The following ROCK2 variants were observed in gnomAD, a reference collection of about 807,000 sequenced individuals.
ROCK2 encodes rho-associated protein kinase 2.
ROCK2 carries 61 observed loss-of-function variants against 195.1 expected under a neutral mutation model. The observed-to-expected ratio is 0.31, with a 90% CI of 0.25 to 0.39. The LOEUF (loss-of-function observed/expected upper bound fraction) is 0.39, where lower values mean the gene tolerates loss of function less well. Ranked by LOEUF, ROCK2 falls within the 10% of genes least tolerant of loss-of-function variation. The probability of loss-of-function intolerance (pLI) is 1.00; values close to 1 mark genes in which losing one functional copy is unlikely to be tolerated. For missense variants in ROCK2, 1,109 were observed against 1,637.4 expected, an observed-to-expected ratio of 0.68 and a Z score of 5.57; for synonymous variants, 504 against 545.5, an observed-to-expected ratio of 0.92 and a Z score of 1.06.
chr2:11,281,249 T>G (rs896394582), intron 3 of ROCK2, among the ~76,000 whole-genome samples: 1 of 124,274 alleles, frequency 8.0e-6, no homozygotes, highest in African/African-American at 3.1e-5. Flanking sequence ...ACATGAAGAA[T>G]AGAGGAACTT....
chr2:11,199,685 A>G (rs940933376), intron 23 of ROCK2, among the ~76,000 whole-genome samples: 1 of 152,184 alleles, frequency 6.6e-6, no homozygotes, highest in Non-Finnish European at 1.5e-5. Context: ...ACTCAATAGC[A>G]TATTAAGGCA....
At chr2:11,238,021 T>C (rs1487098238) in intron 4 of ROCK2, among the ~76,000 whole-genome samples, 1 of 152,184 alleles carries the variant, frequency 6.6e-6, no homozygotes, top group African/African-American at 2.4e-5. Flanking sequence ...GAGGTTGCAC[T>C]GAGCCGAGAT....
chr2:11,218,264 T>TAAAA (rs1173451777), intron 11 of ROCK2, 191 bp downstream of exon 11: 6 of 404,022 alleles, frequency 1.5e-5, no homozygotes, highest in African/African-American at 1.0e-4. Context: ...AAAACAAAAT[T>TAAAA]ACATAATATA....
chr2:11,230,435 C>T (rs753831685), intron 5 of ROCK2, among the ~76,000 whole-genome samples: 25 of 152,222 alleles, frequency 1.6e-4, no homozygotes, highest in Non-Finnish European at 2.6e-4. Context: ...ACAGCATATA[C>T]GTAGGCCAAG....
In ROCK2 at chr2:11,263,651, G is replaced by GCACACACA. The variant is rs11376538; in HGVS notation, c.325-13861_325-13854dup. Among the ~76,000 whole-genome samples the GCACACACA allele has an allele frequency of 9.6e-4, 138 of 144,152 alleles. 4 individuals carry two copies. The highest frequency in any genetic ancestry group is 1.0e-3 in the East Asian group (5 of 4,902). 94.6% of individuals were successfully genotyped at this position (144,152 alleles called of 152,430 possible). The stretch of plus-strand genomic sequence containing the variant: ...GTATATATATAAACTATAGCACAAG[G>GCACACACA]CACACACACACACACACACACAAAA... On this transcript the variant is annotated intron_variant, in intron 3 of 32. Transcript: ENST00000315872.
At chr2:11,341,751 C>T (rs1451209730) in intron 1 of ROCK2, among the ~76,000 whole-genome samples, 1 of 152,080 alleles carries the variant, frequency 6.6e-6, no homozygotes, top group African/African-American at 2.4e-5. Flanking sequence ...AAAACAATGA[C>T]CAATAGTGAA....
intron 3 of ROCK2, among the ~76,000 whole-genome samples, chr2:11,254,469 T>C (rs1259449009): frequency 2.0e-5 from 3 of 152,162 alleles, no homozygotes; most frequent in Non-Finnish European, 4.4e-5. Flanking sequence ...ATGTGTGTAC[T>C]TGGCTAAAGG....
intron 3 of ROCK2, among the ~76,000 whole-genome samples, chr2:11,273,732 A>G (rs1478063137): frequency 2.0e-5 from 3 of 152,184 alleles, no homozygotes; most frequent in African/African-American, 4.8e-5. Context: ...ATGTCAGGCC[A>G]CAGACTAAGT....
At position 11,251,255 on chromosome 2, in the gene ROCK2, C is replaced by G. The variant is rs569491862; in HGVS notation, c.325-1457G>C. Among the ~76,000 whole-genome samples the G allele has an allele frequency of 2.6e-5, 4 of 152,318 alleles. No homozygotes were observed. In the South Asian group the frequency reaches 8.3e-4, roughly 32 times the overall value. ...ATAAACCCAATGAAGTCAAGGATTT[C>G]TGTGTTTGGTTCAATGTTTAATCCC... On this transcript the variant is annotated intron_variant, in intron 3 of 32. Transcript: ENST00000315872.
intron 3 of ROCK2, among the ~76,000 whole-genome samples, chr2:11,281,562 C>T (rs896796393): frequency 1.3e-5 from 2 of 151,334 alleles, no homozygotes; most frequent in African/African-American, 4.9e-5. Flanking sequence ...TGTAGATGAG[C>T]AATGAAAAAG....
intron 1 of ROCK2, among the ~76,000 whole-genome samples, chr2:11,333,507 A>G (rs10187792): frequency 1.4e-3 from 217 of 152,330 alleles, no homozygotes; most frequent in African/African-American, 5.0e-3. Flanking sequence ...AACACACAAA[A>G]AAAGCACCTG....
chr2:11,295,966 A>AGAGAGAGAG (rs1558369423), intron 1 of ROCK2, among the ~76,000 whole-genome samples: 1 of 77,718 alleles, frequency 1.3e-5, no homozygotes, highest in Non-Finnish European at 2.6e-5. Flanking sequence ...CAAAAAACAA[A>AGAGAGAGAG]AGAGAGAGAG....
rs191520534 is a variant in ROCK2 at position 11,249,976 on chromosome 2, C to T, written c.325-178G>A. Among the ~76,000 whole-genome samples the T allele has an allele frequency of 3.1e-3, 479 of 152,206 alleles. 3 individuals are homozygous for T. The highest frequency in any genetic ancestry group is 5.0e-3 in the Admixed American group (76 of 15,290). On this transcript the variant is annotated intron_variant, in intron 3 of 32. Coordinates refer to ENST00000315872, the MANE Select transcript of ROCK2 (RefSeq NM_004850.5). ...AACAAAGGAGAACATTTCTAACAAC[C>T]TAAGTATTTCATGAAATATGTAATA...
In ROCK2 at chr2:11,182,741, T is replaced by G. The variant is rs1336676692; in HGVS notation, c.*696A>C. 1 of 152,562 alleles carries G rather than the reference T, an allele frequency of 6.6e-6. No homozygotes were observed. Among genetic ancestry groups the G allele is most frequent in the African/African-American group, 2.4e-5 (1 of 41,420 alleles). 9.5% of individuals were successfully genotyped at this position (152,562 alleles called of 1,614,324 possible). The stretch of plus-strand genomic sequence containing the variant: ...TGCCTATCATGAAGCATTAGGAAAC[T>G]GATATAATTAACTTTAAACTTCTTG... On this transcript the variant is annotated 3_prime_UTR_variant, in exon 33 of 33. Coordinates refer to ENST00000315872, the MANE Select transcript of ROCK2 (RefSeq NM_004850.5).
chr2:11,247,469 C>G (rs946882047), intron 4 of ROCK2, among the ~76,000 whole-genome samples: 7 of 152,134 alleles, frequency 4.6e-5, no homozygotes, highest in African/African-American at 1.7e-4. Context: ...CAATTATAAT[C>G]GGATTTACTT....
At chr2:11,315,243 CCATTACACAGAACA>C (rs1305115690) in intron 1 of ROCK2, among the ~76,000 whole-genome samples, 5 of 151,956 alleles carry the variant, frequency 3.3e-5, no homozygotes, top group Non-Finnish European at 7.4e-5. Context: ...ACAAAGAGCA[CCATTACACAGAACA>C]CAATGTCCAA....
chr2:11,343,275 C>T (rs559778329), intron 1 of ROCK2, among the ~76,000 whole-genome samples: 1 of 152,246 alleles, frequency 6.6e-6, no homozygotes, highest in South Asian at 2.1e-4. Context: ...AAAACATGCT[C>T]CTTTCTTAAC....
chr2:11,201,163 C>T lies in ROCK2; in HGVS notation c.2724-20G>A, dbSNP rs1663837323. Reference sequence around the variant, plus strand: ...GAGTCCCTACATTTTAGCAATATATCATTTTAATGGTTCAGTTTTCACTAT... The same window carrying T: ...GAGTCCCTACATTTTAGCAATATATTATTTTAATGGTTCAGTTTTCACTAT... On this transcript the variant is annotated intron_variant, in intron 22 of 32. Coordinates refer to ENST00000315872, the MANE Select transcript of ROCK2 (RefSeq NM_004850.5). This position sits in a 1 kb window ranked among gnomAD's most constrained non-coding sequence, Gnocchi z 4.6. 6.3e-7 allele frequency: 1 copy of T among 1,583,438 alleles called. No individual in the cohort carries two copies. The highest frequency in any genetic ancestry group is 1.2e-5 in the South Asian group (1 of 85,308).
At chr2:11,226,244 C>A (rs919870035) in intron 6 of ROCK2, among the ~76,000 whole-genome samples, 2 of 152,058 alleles carry the variant, frequency 1.3e-5, no homozygotes, top group African/African-American at 4.8e-5. Context: ...TTTTATGACC[C>A]CAGTACTTAC....
Sources: allele counts gnomAD v4.1 joint callset (sites outside exome capture counted in the v4.1 genomes callset), GRCh38; gene constraint gnomAD v4.1.1; non-coding constraint Gnocchi (gnomAD v3.1); transcripts MANE v1.5; gene names NCBI Gene and HGNC (gene_info 2026-07-23, HGNC 2026-07-21).